TAS2R1: variants seen among roughly 807,000 people sequenced by gnomAD.
TAS2R1 encodes taste receptor type 2 member 1.
For missense variants in TAS2R1, 370 were observed against 353.4 expected (o/e 1.05, Z -0.38); for synonymous variants, 141 against 134.2 (o/e 1.05, Z -0.35).
At chr5:9,652,160 T>C (rs1740319188) in intron 2 of TAS2R1, among the ~76,000 whole-genome samples, 1 of 152,202 alleles carries the variant, frequency 6.6e-6, no homozygotes, top group Admixed American at 6.5e-5. Flanking sequence ...CTGCATCCCA[T>C]GAGACATATC....
the TAS2R1 span, among the ~76,000 whole-genome samples, chr5:9,735,923 G>C: frequency 1.3e-5 from 2 of 152,156 alleles, no homozygotes; most frequent in African/African-American, 4.8e-5. Context: ...TGACAGAAAA[G>C]ACAGATAGGA....
At chr5:9,685,400 T>C (rs762531437) in intron 1 of TAS2R1, among the ~76,000 whole-genome samples, 7 of 152,084 alleles carry the variant, frequency 4.6e-5, no homozygotes, top group Non-Finnish European at 7.4e-5. Flanking sequence ...ATAGATGTAA[T>C]AATATAATTA....
intron 2 of TAS2R1, among the ~76,000 whole-genome samples, chr5:9,653,812 C>A (rs2126490320): frequency 6.6e-6 from 1 of 152,238 alleles, no homozygotes; most frequent in African/African-American, 2.4e-5. Flanking sequence ...AAGAGCTATT[C>A]CCAAATATTC....
At chr5:9,745,181 A>G in the TAS2R1 span, among the ~76,000 whole-genome samples, 1 of 152,162 alleles carries the variant, frequency 6.6e-6, no homozygotes, top group African/African-American at 2.4e-5. Flanking sequence ...AAAGTAGATG[A>G]ATTCTAGGAA....
At chr5:9,730,614 G>T in the TAS2R1 span, among the ~76,000 whole-genome samples, 1 of 152,128 alleles carries the variant, frequency 6.6e-6, no homozygotes, top group Non-Finnish European at 1.5e-5. Context: ...GACACTTAGG[G>T]GGTCTCTGCT....
chr5:9,699,373 A>C (rs1176975323), intron 1 of TAS2R1, among the ~76,000 whole-genome samples: 1 of 152,238 alleles, frequency 6.6e-6, no homozygotes, highest in African/African-American at 2.4e-5. Context: ...TATGTAGCTG[A>C]TGCCACTTTC....
the TAS2R1 span, among the ~76,000 whole-genome samples, chr5:9,779,070 C>T: frequency 6.6e-6 from 1 of 152,274 alleles, no homozygotes; most frequent in South Asian, 2.1e-4. Context: ...GAGATGGGAC[C>T]TGGTGAGAGG....
the TAS2R1 span, among the ~76,000 whole-genome samples, chr5:9,899,240 T>G: frequency 6.6e-6 from 1 of 152,282 alleles, no homozygotes; most frequent in South Asian, 2.1e-4. Context: ...GTGACTACTG[T>G]CTTCATTTCT....
chr5:9,872,976 T>A, the TAS2R1 span, among the ~76,000 whole-genome samples: 13 of 152,304 alleles, frequency 8.5e-5, no homozygotes, highest in African/African-American at 2.9e-4. Flanking sequence ...GGATTTAGGG[T>A]GCATTAGAAA....
rs562083827 is a variant in TAS2R1 at position 9,630,157 on chromosome 5, T to C, written c.-125A>G. ...GGGAAGAAGACTAACAATAAAGGCA[T>C]GGGGCAGGAAGGTGGTGTACATTTG... On this transcript the variant is annotated 5_prime_UTR_variant, in exon 1 of 1. The change abolishes an upstream ATG in the 5' untranslated region. Coordinates refer to ENST00000382492, the MANE Select transcript of TAS2R1 (RefSeq NM_019599.3). 3.9e-6 allele frequency: 3 copies of C among 770,300 alleles called. No individual in the cohort carries two copies. The highest frequency in any genetic ancestry group is 4.8e-5 in the South Asian group (2 of 41,692). 47.7% of individuals were successfully genotyped at this position (770,300 alleles called of 1,614,324 possible). A position where few individuals can be genotyped will look rare whatever the true frequency, so the allele number is the denominator to read the frequency against.
At chr5:9,692,583 T>C (rs1337589424) in intron 1 of TAS2R1, among the ~76,000 whole-genome samples, 1 of 152,228 alleles carries the variant, frequency 6.6e-6, no homozygotes, top group Non-Finnish European at 1.5e-5. Flanking sequence ...TAAGGACTCC[T>C]GAACAAAAGT....
the TAS2R1 span, among the ~76,000 whole-genome samples, chr5:9,816,666 C>G: frequency 6.6e-6 from 1 of 152,014 alleles, no homozygotes; most frequent in Non-Finnish European, 1.5e-5. Context: ...AGCAATATTA[C>G]TAGAGGCATT....
the TAS2R1 span, among the ~76,000 whole-genome samples, chr5:9,804,949 C>T: frequency 2.6e-5 from 4 of 151,614 alleles, no homozygotes; most frequent in African/African-American, 9.7e-5. Flanking sequence ...ATAAATGAAA[C>T]AAAAAGCTAG....
intron 1 of TAS2R1, among the ~76,000 whole-genome samples, chr5:9,695,555 T>C (rs41491): frequency 0.61 from 92,267 of 151,890 alleles, 30,126 homozygotes; most frequent in Non-Finnish European, 0.75. Context: ...GACAAACCTT[T>C]CTCTGATCAT....
chr5:9,814,381 TATCTA>T, the TAS2R1 span, among the ~76,000 whole-genome samples: 1 of 152,238 alleles, frequency 6.6e-6, no homozygotes. Context: ...AATGTTCTCT[TATCTA>T]AGCAGGAATA....
At chr5:9,695,836 A>G (rs1185286968) in intron 1 of TAS2R1, among the ~76,000 whole-genome samples, 1 of 152,194 alleles carries the variant, frequency 6.6e-6, no homozygotes, top group Non-Finnish European at 1.5e-5. Flanking sequence ...GCCAGAAGCC[A>G]TGAGAAGCAT....
chr5:9,878,324 G>C, the TAS2R1 span, among the ~76,000 whole-genome samples: 3 of 152,058 alleles, frequency 2.0e-5, no homozygotes, highest in African/African-American at 7.2e-5. Context: ...CCCACACTTA[G>C]CACCCCCGCC....
Position 9,643,616 on chromosome 5 carries a change from A to T in TAS2R1, c.-80-13624T>A, listed in dbSNP as rs145851826. Among the ~76,000 whole-genome samples, 503 of 152,320 alleles carry T rather than the reference A, an allele frequency of 3.3e-3. 3 individuals are homozygous for T. Among genetic ancestry groups the T allele is most frequent in the African/African-American group, 0.012 (480 of 41,576 alleles). On this transcript the variant is annotated intron_variant, in intron 2 of 2. Coordinates refer to the TAS2R1 transcript ENST00000506620. ...AAAATAAAGTAATTGTGCTAGGACA[A>T]TACAATGGCTTTGATGTCACTAGCT...
Position 9,681,531 on chromosome 5 carries a change from C to CAAAAAAAAAAAAAAAA in TAS2R1, c.-241-21966_-241-21951dup, listed in dbSNP as rs10681888. Among the ~76,000 whole-genome samples the CAAAAAAAAAAAAAAAA allele has an allele frequency of 3.1e-3, 269 of 87,826 alleles. 15 individuals are homozygous for CAAAAAAAAAAAAAAAA. The highest frequency in any genetic ancestry group is 9.6e-3 in the African/African-American group (221 of 23,108). 57.6% of individuals were successfully genotyped at this position (87,826 alleles called of 152,430 possible). Reference sequence around the variant, plus strand: ...TTTCAGGGGACTTCTCATGTTTCTGCAAAAAAAAAAAAAAAAAAAGATGCC... The same window carrying CAAAAAAAAAAAAAAAA: ...TTTCAGGGGACTTCTCATGTTTCTGCAAAAAAAAAAAAAAAAAAAAAAAAAAAAAAAAAAAGATGCC... On this transcript the variant is annotated intron_variant, in intron 1 of 2. Coordinates refer to the TAS2R1 transcript ENST00000506620.
Sources: gnomAD v4.1 joint callset for allele counts (sites outside exome capture counted in the v4.1 genomes callset) on GRCh38, gnomAD v4.1.1 for gene constraint, MANE v1.5 for transcripts, NCBI Gene and HGNC (gene_info 2026-07-23, HGNC 2026-07-21) for gene names.